OTUD5: variants seen among roughly 807,000 people sequenced by gnomAD.
OTUD5 encodes the protein OTU deubiquitinase 5, also known as OTU domain-containing protein 5.
A neutral mutation model predicts 36.3 loss-of-function variants in OTUD5; 2 were observed. That is an observed-to-expected ratio of 0.06 (90% CI 0.02 to 0.17). OTUD5 has a LOEUF of 0.17. Among genes scored for constraint, OTUD5 ranks in the 10% least tolerant of loss-of-function variants. OTUD5 has a pLI of 1.00. For synonymous variants in OTUD5, 234 were observed against 214.9 expected (o/e 1.09, Z -0.78); for missense variants, 233 against 512.3 (o/e 0.45, Z 5.26).
chrX:48,930,129 T>A (rs1444509484), intron 5 of OTUD5, among the ~76,000 whole-genome samples: 2 of 110,991 alleles, frequency 1.8e-5, no homozygotes, highest in East Asian at 2.8e-4. Flanking sequence ...TAAAATAAAA[T>A]AAAAATAAAC....
At position 48,922,617 on chromosome X, in the gene OTUD5, C is replaced by A. The variant is rs1013433989; in HGVS notation, c.*557G>T. ...ACAGAGCCAGTGCTGTCGTCTATAT[C>A]ATTTTTGATTAGTTGATTTTATAAG... On this transcript the variant is annotated 3_prime_UTR_variant, in exon 9 of 9. Coordinates refer to ENST00000376488, the MANE Select transcript of OTUD5 (RefSeq NM_001136157.2). 6.6e-6 allele frequency: 5 copies of A among 752,429 alleles called. No individual in the cohort carries two copies. The highest frequency in any genetic ancestry group is 6.3e-6 in the Non-Finnish European group (4 of 636,955). The allele number at this position is 752,429 out of a possible 1,213,427, so 62.0% of individuals were successfully genotyped here.
At chrX:48,953,896 G>A (rs1557054467) in intron 1 of OTUD5, among the ~76,000 whole-genome samples, 1 of 110,728 alleles carries the variant, frequency 9.0e-6, no homozygotes, top group Non-Finnish European at 1.9e-5. Context: ...CTCTTCCCAA[G>A]GGATCCAACT....
upstream of OTUD5, chrX:48,957,722 CGGA>C (rs781836892): frequency 5.8e-3 from 3,619 of 620,234 alleles, 18 homozygotes; most frequent in Middle Eastern, 0.024. Flanking sequence ...CCCTCGGCGG[CGGA>C]GGAGGCGGCG....
chrX:48,941,147 TC>T (rs2063912545), intron 2 of OTUD5, among the ~76,000 whole-genome samples: 1 of 110,916 alleles, frequency 9.0e-6, no homozygotes, highest in Admixed American at 9.6e-5. Context: ...AAAGAATGTG[TC>T]CTGGCCGGAT....
At position 48,934,691 on chromosome X, in the gene OTUD5, C is replaced by A; in HGVS notation, c.910+20G>T. On this transcript the variant is annotated intron_variant, in intron 4 of 8. Transcript: ENST00000376488. ...CGAATGAGGCACCATCTTTCCCTCA[C>A]CTACCCACTGCAGAAGTACCTGTGC... 8.3e-7 allele frequency: 1 copy of A among 1,206,152 alleles called. No homozygotes were observed. Among genetic ancestry groups the A allele is most frequent in the Non-Finnish European group, 1.1e-6 (1 of 892,051 alleles).
chrX:48,950,151 AGAG>A (rs2064110464), intron 1 of OTUD5, among the ~76,000 whole-genome samples: 3 of 109,188 alleles, frequency 2.7e-5, no homozygotes, highest in Non-Finnish European at 3.8e-5. Flanking sequence ...AAAAAAAAAA[AGAG>A]AAGAGAAAAG....
rs374433003 is a variant in OTUD5, at chrX:48,923,625, A to C, written c.1579+8T>G. The C allele has an allele frequency of 6.9e-6, 8 of 1,154,309 alleles. No individual in the cohort carries two copies. The highest frequency in any genetic ancestry group is 7.1e-6 in the Non-Finnish European group (6 of 846,937). On this transcript the variant is annotated splice_region_variant and intron_variant, in intron 8 of 8. Coordinates refer to ENST00000376488, the MANE Select transcript of OTUD5 (RefSeq NM_001136157.2). Reference sequence around the variant, plus strand: ...CAGCCTCCATCCCCCCAGACAAAGGAGGCTTACCAAAGGCAGAGGGGGACA... The same window carrying C: ...CAGCCTCCATCCCCCCAGACAAAGGCGGCTTACCAAAGGCAGAGGGGGACA...
At position 48,923,964 on chromosome X, in the gene OTUD5, C is replaced by T. The variant is rs1252713651; in HGVS notation, c.1352G>A (p.Arg451Gln). The change falls in exon 7 of 9, where the codon CGG (arginine) becomes CAG (glutamine). Residue 451 changes from arginine to glutamine, a missense_variant. Coordinates refer to ENST00000376488, the MANE Select transcript of OTUD5 (RefSeq NM_001136157.2). Reference sequence around the variant, plus strand: ...GTGCTCAGGTGACGAGGCTGAACTCCGCTGCCGCGGGGACCGGCTAGTCCA... The same window carrying T: ...GTGCTCAGGTGACGAGGCTGAACTCTGCTGCCGCGGGGACCGGCTAGTCCA... ...EEWTSRSPRQRSSASSPEHPE... is the reference protein window; with the variant it reads ...EEWTSRSPRQQSSASSPEHPE... The T allele has an allele frequency of 8.3e-7, 1 of 1,210,197 alleles. No homozygotes were observed.
At chrX:48,942,151 G>C (rs1557051203) in intron 2 of OTUD5, among the ~76,000 whole-genome samples, 1 of 106,344 alleles carries the variant, frequency 9.4e-6, no homozygotes, top group Admixed American at 1.0e-4. Flanking sequence ...TACTGCTCTT[G>C]ATACGAGTTA....
intron 2 of OTUD5, among the ~76,000 whole-genome samples, chrX:48,942,252 C>CACAT (rs2063941740): frequency 4.3e-5 from 4 of 94,044 alleles, no homozygotes; most frequent in African/African-American, 1.6e-4. Context: ...CATACACACA[C>CACAT]ACACACACAC....
At position 48,922,605 on chromosome X, in the gene OTUD5, TGTC is replaced by T. The variant is rs1181580831; in HGVS notation, c.*566_*568del. The T allele has an allele frequency of 6.7e-6, 5 of 750,409 alleles. No individual in the cohort carries two copies. The highest frequency in any genetic ancestry group is 6.3e-6 in the Non-Finnish European group (4 of 636,091). 61.8% of individuals were successfully genotyped at this position (750,409 alleles called of 1,213,427 possible). On this transcript the variant is annotated 3_prime_UTR_variant, in exon 9 of 9. Coordinates refer to ENST00000376488, the MANE Select transcript of OTUD5 (RefSeq NM_001136157.2). Reference sequence around the variant, plus strand: ...GATGCCACCTTCACAGAGCCAGTGCTGTCGTCTATATCATTTTTGATTAGTTGA... The same window carrying T: ...GATGCCACCTTCACAGAGCCAGTGCTGTCTATATCATTTTTGATTAGTTGA...
At position 48,922,950 on chromosome X, in the gene OTUD5, G is replaced by C. The variant is rs2063604215; in HGVS notation, c.*224C>G. 1.9e-6 allele frequency: 2 copies of C among 1,048,420 alleles called. No individual in the cohort carries two copies. Among genetic ancestry groups the C allele is most frequent in the Admixed American group, 7.8e-5 (2 of 25,627 alleles). The allele number at this position is 1,048,420 out of a possible 1,213,427, so 86.4% of individuals were successfully genotyped here. A position where few individuals can be genotyped will look rare whatever the true frequency, so the allele number is the denominator to read the frequency against. On this transcript the variant is annotated 3_prime_UTR_variant, in exon 9 of 9. Transcript: ENST00000376488. ...GATGGTTCTGTGCGGGATGGGGTGG[G>C]GGGCAACAGGGCACATCAGCTGGCA...
chrX:48,953,251 A>C (rs1230095905), intron 1 of OTUD5, among the ~76,000 whole-genome samples: 1 of 111,568 alleles, frequency 9.0e-6, no homozygotes, highest in African/African-American at 3.3e-5. Context: ...TGTTCATTAC[A>C]ACATGGCTGC....
At chrX:48,936,108 G>A in intron 2 of OTUD5, 1 of 110,312 alleles carries the variant, frequency 9.1e-6, no homozygotes, top group Non-Finnish European at 1.9e-5. Flanking sequence ...TACTGTGAAG[G>A]TGACAGAGGT....
At chrX:48,934,440 T>A in intron 5 of OTUD5, 24 bp downstream of exon 5, 1 of 1,198,640 alleles carries the variant, frequency 8.3e-7, no homozygotes, top group Non-Finnish European at 1.1e-6. Context: ...CCAGCAGCCA[T>A]TCTGGGCACA....
chrX:48,942,939 T>C (rs1557051485), intron 2 of OTUD5, among the ~76,000 whole-genome samples: 1 of 110,760 alleles, frequency 9.0e-6, no homozygotes. Flanking sequence ...CAAGAATCAG[T>C]TGTGCAGCCA....
chrX:48,946,194 C>T (rs1349068339), intron 1 of OTUD5, among the ~76,000 whole-genome samples: 4 of 112,311 alleles, frequency 3.6e-5, no homozygotes, highest in Non-Finnish European at 7.5e-5. Context: ...AGGTTTGGAA[C>T]GCAAGAGCTC....
intron 1 of OTUD5, among the ~76,000 whole-genome samples, chrX:48,956,606 G>A (rs1938603143): frequency 9.0e-6 from 1 of 111,218 alleles, no homozygotes; most frequent in African/African-American, 3.3e-5. Flanking sequence ...TTAAGCCACT[G>A]AACACATACC....
At chrX:48,954,041 T>C (rs899225185) in intron 1 of OTUD5, among the ~76,000 whole-genome samples, 1 of 111,286 alleles carries the variant, frequency 9.0e-6, no homozygotes, top group South Asian at 3.8e-4. Flanking sequence ...ATCACCTTCT[T>C]TGTCCTAAGA....
Sources: gnomAD v4.1 joint callset for allele counts (sites outside exome capture counted in the v4.1 genomes callset) on GRCh38, gnomAD v4.1.1 for gene constraint, MANE v1.5 for transcripts, NCBI Gene and HGNC (gene_info 2026-07-23, HGNC 2026-07-21) for gene names.